TIMM23: variants seen among roughly 807,000 people sequenced by gnomAD.
The protein encoded by TIMM23 is translocase of inner mitochondrial membrane 23, also known as mitochondrial import inner membrane translocase subunit Tim23.
Under a neutral mutation model 30.7 loss-of-function variants are expected in TIMM23, and 19 were observed. That is an observed-to-expected ratio of 0.62 (90% CI 0.43 to 0.91). The LOEUF (loss-of-function observed/expected upper bound fraction) is 0.91. Among genes scored for constraint, TIMM23 ranks in the 40% least tolerant of loss-of-function variants. The pLI is 0.00. For synonymous variants in TIMM23, 78 were observed against 98.5 expected (o/e 0.79, Z 1.23); for missense variants, 202 against 269.2 (o/e 0.75, Z 1.75).
At chr10:45,999,142 A>AT (rs1245224744) in intron 6 of TIMM23, among the ~76,000 whole-genome samples, 21 of 150,704 alleles carry the variant, frequency 1.4e-4, no homozygotes, top group East Asian at 3.9e-4. Context: ...CCTTTTTAAA[A>AT]TTTTTTTTTA....
intron 6 of TIMM23, among the ~76,000 whole-genome samples, chr10:45,998,777 T>C (rs1838422472): frequency 6.6e-6 from 1 of 151,808 alleles, no homozygotes; most frequent in Non-Finnish European, 1.5e-5. Flanking sequence ...GGCAAGAAAA[T>C]AGAAAGCTTT....
intron 6 of TIMM23, among the ~76,000 whole-genome samples, chr10:45,994,819 T>C (rs1284112274): frequency 3.9e-5 from 6 of 152,062 alleles, no homozygotes; most frequent in Non-Finnish European, 8.8e-5. Flanking sequence ...GATTAGCCAT[T>C]CCCTAAATGT....
At chr10:45,978,384 G>A (rs1463041446) in intron 2 of TIMM23, among the ~76,000 whole-genome samples, 1 of 152,130 alleles carries the variant, frequency 6.6e-6, no homozygotes, top group Non-Finnish European at 1.5e-5. Flanking sequence ...TCCACAGACT[G>A]AGAGAAAATA....
chr10:45,979,394 T>A (rs1241643282), intron 2 of TIMM23, among the ~76,000 whole-genome samples: 10 of 152,142 alleles, frequency 6.6e-5, no homozygotes, highest in Admixed American at 5.9e-4. Context: ...ACTCCTAGGC[T>A]CAAGCGGTCC....
chr10:45,981,651 G>A (rs1403484115), intron 2 of TIMM23, among the ~76,000 whole-genome samples: 13 of 152,260 alleles, frequency 8.5e-5, no homozygotes, highest in African/African-American at 2.9e-4. Flanking sequence ...CCACAAGGAT[G>A]TAGGAGAATG....
intron 6 of TIMM23, among the ~76,000 whole-genome samples, chr10:46,002,866 C>G (rs1554917969): frequency 7.0e-6 from 1 of 142,614 alleles, no homozygotes; most frequent in East Asian, 2.1e-4. Flanking sequence ...TCCTGTCGCC[C>G]AGGCTGGAAT....
intron 5 of TIMM23, among the ~76,000 whole-genome samples, chr10:45,987,811 G>T (rs1213198452): frequency 6.6e-6 from 1 of 151,638 alleles, no homozygotes; most frequent in Admixed American, 6.6e-5. Flanking sequence ...AGAGAAGGGG[G>T]TATCCCTATG....
At chr10:45,978,277 C>T (rs1363193784) in intron 2 of TIMM23, among the ~76,000 whole-genome samples, 1 of 152,050 alleles carries the variant, frequency 6.6e-6, no homozygotes, top group Non-Finnish European at 1.5e-5. Context: ...CACTTGAGTC[C>T]AGCAGGTCAA....
intron 2 of TIMM23, among the ~76,000 whole-genome samples, chr10:45,980,904 T>C (rs1178276969): frequency 5.9e-5 from 9 of 151,518 alleles, no homozygotes; most frequent in Non-Finnish European, 1.2e-4. Flanking sequence ...TGCTTGATAA[T>C]GTTCATCACA....
At chr10:45,977,751 G>T (rs1837716730) in intron 2 of TIMM23, among the ~76,000 whole-genome samples, 1 of 152,214 alleles carries the variant, frequency 6.6e-6, no homozygotes, top group South Asian at 2.1e-4. Flanking sequence ...AAGAATGGAG[G>T]CCAGGTGCAG....
At chr10:46,000,864 T>G (rs575454330) in intron 6 of TIMM23, among the ~76,000 whole-genome samples, 3 of 152,344 alleles carry the variant, frequency 2.0e-5, no homozygotes, top group Admixed American at 1.3e-4. Flanking sequence ...CCAGCATTTT[T>G]CCACTGACAA....
At chr10:45,994,184 C>A (rs1838256647) in intron 6 of TIMM23, among the ~76,000 whole-genome samples, 1 of 151,848 alleles carries the variant, frequency 6.6e-6, no homozygotes, top group African/African-American at 2.4e-5. Flanking sequence ...TACTAAAATA[C>A]AAAAACCAGC....
intron 2 of TIMM23, 22 bp from the exon 3 acceptor site, chr10:45,982,501 G>A: frequency 6.2e-7 from 1 of 1,613,126 alleles, no homozygotes; most frequent in Admixed American, 1.7e-5. Flanking sequence ...ACTCAGCTTG[G>A]TTTTCATTAT....
chr10:45,981,701 C>G (rs1246143785), intron 2 of TIMM23, among the ~76,000 whole-genome samples: 1 of 152,160 alleles, frequency 6.6e-6, no homozygotes, highest in African/African-American at 2.4e-5. Context: ...ATGTAACACA[C>G]TATGTGTCTT....
chr10:45,982,557 A>G lies in TIMM23; in HGVS notation c.200A>G (p.Asn67Ser). 1 of 1,613,962 alleles carries G rather than the reference A, an allele frequency of 6.2e-7. No homozygotes were observed. The highest frequency in any genetic ancestry group is 8.5e-7 in the Non-Finnish European group (1 of 1,179,860). Residue 67 changes from asparagine to serine, a missense_variant, in exon 3 of 7, where the codon AAT becomes AGT. Coordinates refer to ENST00000580018, the MANE Select transcript of TIMM23 (RefSeq NM_006327.4). ...GAGTTTATTTTACCTACCGGAGCTA[A>G]TAAAACCCGGGGCAGATTTGAGCTG... ...TDEFILPTGA[N>S]KTRGRFELAF...
At chr10:46,001,725 T>C (rs1040527758) in intron 6 of TIMM23, among the ~76,000 whole-genome samples, 1 of 152,198 alleles carries the variant, frequency 6.6e-6, no homozygotes, top group African/African-American at 2.4e-5. Context: ...CTGAAGTTTA[T>C]GATCCCTACT....
chr10:45,984,239 A>G (rs1837936123), intron 4 of TIMM23, among the ~76,000 whole-genome samples: 1 of 152,178 alleles, frequency 6.6e-6, no homozygotes, highest in Non-Finnish European at 1.5e-5. Context: ...CGCATCCTCA[A>G]CAACCATCAA....
At chr10:45,997,420 GA>G (rs1234752394) in intron 6 of TIMM23, among the ~76,000 whole-genome samples, 82 of 152,220 alleles carry the variant, frequency 5.4e-4, no homozygotes, top group Non-Finnish European at 1.6e-4. Flanking sequence ...GATTCATACA[GA>G]AAAAAAGTAG....
chr10:45,987,245 A>C (rs1198208623), intron 5 of TIMM23, among the ~76,000 whole-genome samples: 3 of 151,798 alleles, frequency 2.0e-5, no homozygotes, highest in East Asian at 3.8e-4. Flanking sequence ...AAAAAAAAAA[A>C]CAGTTTTTCC....
Sources: allele counts gnomAD v4.1 joint callset (sites outside exome capture counted in the v4.1 genomes callset), GRCh38; gene constraint gnomAD v4.1.1; transcripts MANE v1.5; gene names NCBI Gene and HGNC (gene_info 2026-07-23, HGNC 2026-07-21).